Variants in UBE2H observed in about 807,000 individuals in gnomAD.
UBE2H encodes ubiquitin-conjugating enzyme E2 H.
Under a neutral mutation model 29.0 loss-of-function variants are expected in UBE2H, and 3 were observed. The ratio of observed to expected loss-of-function variants is 0.10; its 90% CI spans 0.05 to 0.27. The LOEUF (loss-of-function observed/expected upper bound fraction) is 0.27. UBE2H is among the 10% of genes least tolerant of loss of function. UBE2H has a pLI of 1.00. For missense variants in UBE2H, 68 were observed against 228.2 expected, an observed-to-expected ratio of 0.30 and a Z score of 4.52; for synonymous variants, 69 against 82.9, an observed-to-expected ratio of 0.83 and a Z score of 0.91.
chr7:129,938,729 C>T (rs915143784), intron 1 of UBE2H, among the ~76,000 whole-genome samples: 7 of 151,388 alleles, frequency 4.6e-5, no homozygotes, highest in African/African-American at 1.7e-4. Context: ...ACAAAGCCGA[C>T]CCAAACTGTC....
chr7:129,858,840 A>G, intron 4 of UBE2H, 62 bp downstream of exon 4: 2 of 1,489,946 alleles, frequency 1.3e-6, no homozygotes, highest in African/African-American at 2.8e-5. Context: ...TTTATAACAC[A>G]GAGAAACACT....
At chr7:129,897,686 T>C (rs973482568) in intron 1 of UBE2H, among the ~76,000 whole-genome samples, 1 of 152,142 alleles carries the variant, frequency 6.6e-6, no homozygotes, top group Non-Finnish European at 1.5e-5. Context: ...AACAAATGAA[T>C]ATGGCTTTAT....
chr7:129,895,068 G>A (rs1457211949), intron 1 of UBE2H, among the ~76,000 whole-genome samples: 1 of 152,106 alleles, frequency 6.6e-6, no homozygotes, highest in Non-Finnish European at 1.5e-5. Context: ...AAAGACATCT[G>A]GTACTTAATT....
chr7:129,944,836 A>C (rs1179169086), intron 1 of UBE2H, among the ~76,000 whole-genome samples: 1 of 152,164 alleles, frequency 6.6e-6, no homozygotes, highest in Non-Finnish European at 1.5e-5. Flanking sequence ...TACAATGTTC[A>C]TAGCAACTTT....
chr7:129,880,182 TAAC>T (rs1382073178), intron 2 of UBE2H, among the ~76,000 whole-genome samples: 2 of 151,766 alleles, frequency 1.3e-5, no homozygotes, highest in African/African-American at 4.8e-5. Flanking sequence ...CAATAATAAA[TAAC>T]AATACAATTA....
intron 1 of UBE2H, among the ~76,000 whole-genome samples, chr7:129,893,155 T>C (rs1043971197): frequency 3.3e-5 from 5 of 152,194 alleles, no homozygotes; most frequent in African/African-American, 9.7e-5. Flanking sequence ...ATGGCAAGCA[T>C]GTTCATTACC....
At chr7:129,839,494 T>C in intron 5 of UBE2H, 159 bp from the exon 6 acceptor site, 1 of 830,460 alleles carries the variant, frequency 1.2e-6, no homozygotes, top group South Asian at 1.8e-5. Context: ...TACACATTCA[T>C]TTCAATACCA....
intron 1 of UBE2H, among the ~76,000 whole-genome samples, chr7:129,911,765 G>C (rs930272760): frequency 4.6e-5 from 7 of 152,048 alleles, no homozygotes; most frequent in Non-Finnish European, 1.0e-4. Flanking sequence ...AGCCTCCCGA[G>C]TAGCTATGGG....
At chr7:129,857,090 T>C (rs77415819) in intron 5 of UBE2H, 1,820 of 156,300 alleles carry the variant, frequency 0.012, 39 homozygotes, top group African/African-American at 0.042. Context: ...GTTTTGGTCT[T>C]TGAAAAGATG....
At chr7:129,914,791 T>C (rs1443667811) in intron 1 of UBE2H, among the ~76,000 whole-genome samples, 1 of 152,206 alleles carries the variant, frequency 6.6e-6, no homozygotes, top group Non-Finnish European at 1.5e-5. Context: ...GCTCCCGAGT[T>C]ATACAGACTG....
chr7:129,862,683 T>A (rs185999067), intron 3 of UBE2H, among the ~76,000 whole-genome samples: 7 of 152,284 alleles, frequency 4.6e-5, no homozygotes, highest in Admixed American at 3.9e-4. Flanking sequence ...GGAGCTTGCC[T>A]GATGCTCTGA....
chr7:129,840,556 C>A (rs1805410634), intron 5 of UBE2H, among the ~76,000 whole-genome samples: 1 of 152,092 alleles, frequency 6.6e-6, no homozygotes, highest in African/African-American at 2.4e-5. Flanking sequence ...AGTTACCCAG[C>A]GTTTTAGAAA....
At chr7:129,922,489 C>A (rs948953789) in intron 1 of UBE2H, among the ~76,000 whole-genome samples, 3 of 152,098 alleles carry the variant, frequency 2.0e-5, no homozygotes, top group African/African-American at 7.2e-5. Context: ...TTTGGCCATG[C>A]TGGTCTCGAA....
intron 5 of UBE2H, among the ~76,000 whole-genome samples, chr7:129,843,533 G>A (rs776062797): frequency 1.3e-5 from 2 of 152,096 alleles, no homozygotes; most frequent in Non-Finnish European, 2.9e-5. Flanking sequence ...ACACACTGCC[G>A]CTGCCGCAAA....
chr7:129,902,550 G>C (rs1001773565), intron 1 of UBE2H, among the ~76,000 whole-genome samples: 4 of 152,208 alleles, frequency 2.6e-5, no homozygotes, highest in Non-Finnish European at 5.9e-5. Context: ...GGCTCCATGG[G>C]ACGGGGGAAG....
chr7:129,846,410 G>C (rs1464778652), intron 5 of UBE2H, among the ~76,000 whole-genome samples: 1 of 151,660 alleles, frequency 6.6e-6, no homozygotes, highest in African/African-American at 2.4e-5. Context: ...GCATGTGCCT[G>C]TGGTTCCAAC....
At chr7:129,836,603 G>C (rs1055658409) in intron 6 of UBE2H, among the ~76,000 whole-genome samples, 2 of 152,180 alleles carry the variant, frequency 1.3e-5, no homozygotes, top group African/African-American at 4.8e-5. Flanking sequence ...ACTATGGCCA[G>C]GTGCAGCGGC....
At chr7:129,882,860 A>G (rs1414629007) in intron 1 of UBE2H, among the ~76,000 whole-genome samples, 1 of 152,266 alleles carries the variant, frequency 6.6e-6, no homozygotes. Flanking sequence ...TTAAAATAAA[A>G]TTAAATATCA....
At chr7:129,850,318 G>A (rs1488663374) in intron 5 of UBE2H, among the ~76,000 whole-genome samples, 1 of 151,960 alleles carries the variant, frequency 6.6e-6, no homozygotes, top group Non-Finnish European at 1.5e-5. Flanking sequence ...AGTGAGCCAC[G>A]CTGCACTCCA....
Sources: gnomAD v4.1 joint callset for allele counts (sites outside exome capture counted in the v4.1 genomes callset) on GRCh38, gnomAD v4.1.1 for gene constraint, MANE v1.5 for transcripts, NCBI Gene and HGNC (gene_info 2026-07-23, HGNC 2026-07-21) for gene names.